BLTP3B: variants seen among roughly 807,000 people sequenced by gnomAD.
BLTP3B encodes bridge-like lipid transfer protein family member 3B.
chr12:100,079,227 G>A, the BLTP3B span, among the ~76,000 whole-genome samples: 2 of 152,204 alleles, frequency 1.3e-5, no homozygotes, highest in African/African-American at 4.8e-5. Context: ...GTAACAGGCA[G>A]AGGTTGGAAC....
the BLTP3B span, among the ~76,000 whole-genome samples, chr12:100,093,610 G>A: frequency 6.6e-6 from 1 of 152,120 alleles, no homozygotes; most frequent in Non-Finnish European, 1.5e-5. Context: ...GACTGAGGAT[G>A]AGTAATAATG....
At chr12:100,111,225 T>TA in the BLTP3B span, among the ~76,000 whole-genome samples, 13 of 151,036 alleles carry the variant, frequency 8.6e-5, no homozygotes, top group Non-Finnish European at 1.6e-4. Context: ...TTCAAGTATG[T>TA]AAAAAATGCA....
At chr12:100,098,541 A>G in the BLTP3B span, 1 of 1,599,430 alleles carries the variant, frequency 6.3e-7, no homozygotes. Flanking sequence ...AGCCGTATTC[A>G]CTGGAAAAAC....
chr12:100,132,117 G>T, the BLTP3B span, among the ~76,000 whole-genome samples: 2 of 152,020 alleles, frequency 1.3e-5, no homozygotes, highest in Admixed American at 1.3e-4. Context: ...AAAATTATTT[G>T]TCCTAAGCAT....
the BLTP3B span, among the ~76,000 whole-genome samples, chr12:100,066,221 G>T: frequency 6.6e-6 from 1 of 152,076 alleles, no homozygotes; most frequent in Non-Finnish European, 1.5e-5. Flanking sequence ...GCAAGCAGGA[G>T]TAGCTATTCT....
chr12:100,142,569 C>T, the BLTP3B span: 2 of 1,605,860 alleles, frequency 1.2e-6, no homozygotes, highest in Middle Eastern at 1.7e-4. Context: ...CCGACTGGCG[C>T]CGACACCGAG....
the BLTP3B span, among the ~76,000 whole-genome samples, chr12:100,127,401 T>C: frequency 2.6e-5 from 4 of 152,242 alleles, no homozygotes; most frequent in South Asian, 6.2e-4. Context: ...CTTTAGCATA[T>C]AGCCAATAAG....
the BLTP3B span, among the ~76,000 whole-genome samples, chr12:100,109,767 G>GAA: frequency 7.2e-5 from 8 of 111,564 alleles, no homozygotes; most frequent in Non-Finnish European, 6.0e-5. Flanking sequence ...CCCTGTCTCA[G>GAA]AAAAAAAAAA....
the BLTP3B span, chr12:100,142,802 C>T: frequency 1.2e-5 from 12 of 1,007,520 alleles, no homozygotes; most frequent in East Asian, 2.2e-4. Flanking sequence ...CCGCCGAGAA[C>T]CCGGAGCATC....
At chr12:100,102,342 G>A in the BLTP3B span, among the ~76,000 whole-genome samples, 3 of 151,580 alleles carry the variant, frequency 2.0e-5, no homozygotes, top group African/African-American at 4.8e-5. Context: ...AAACACCTGA[G>A]TCCAGGGAAT....
chr12:100,119,438 A>G, the BLTP3B span, among the ~76,000 whole-genome samples: 1 of 152,216 alleles, frequency 6.6e-6, no homozygotes, highest in African/African-American at 2.4e-5. Flanking sequence ...GAGAAATGAC[A>G]TACTGATTCT....
chr12:100,136,803 T>C, the BLTP3B span, among the ~76,000 whole-genome samples: 1 of 149,870 alleles, frequency 6.7e-6, no homozygotes, highest in Admixed American at 6.7e-5. Context: ...TTTCTTTTCT[T>C]TTTTTTCTTT....
At chr12:100,130,982 G>GGAGAGAGAGAGA in the BLTP3B span, among the ~76,000 whole-genome samples, 349 of 62,082 alleles carry the variant, frequency 5.6e-3, 12 homozygotes, top group East Asian at 8.2e-3. Flanking sequence ...AGAGAGGGAG[G>GGAGAGAGAGAGA]GAGAGAGAGA....
the BLTP3B span, chr12:100,070,106 T>A: frequency 2.0e-6 from 3 of 1,500,634 alleles, no homozygotes; most frequent in Admixed American, 6.4e-5. Flanking sequence ...TTACTCCCTA[T>A]GAGATGCAGA....
the BLTP3B span, chr12:100,095,658 A>G: frequency 1.9e-6 from 3 of 1,594,624 alleles, no homozygotes; most frequent in South Asian, 2.3e-5. Flanking sequence ...TGTTAACTTT[A>G]TAGCTTACCT....
the BLTP3B span, chr12:100,059,375 A>G: frequency 1.9e-6 from 3 of 1,614,030 alleles, no homozygotes; most frequent in Non-Finnish European, 2.5e-6. Context: ...TACTAAAAAA[A>G]TCACAATCTT....
chr12:100,042,944 T>C, the BLTP3B span, among the ~76,000 whole-genome samples: 7 of 152,122 alleles, frequency 4.6e-5, no homozygotes, highest in Non-Finnish European at 8.8e-5. Context: ...GGATTACAGA[T>C]GTGCGCCAAG....
the BLTP3B span, among the ~76,000 whole-genome samples, chr12:100,116,905 G>A: frequency 1.3e-5 from 2 of 152,050 alleles, no homozygotes; most frequent in Non-Finnish European, 2.9e-5. Flanking sequence ...AGGATATAAG[G>A]CCAATATAAA....
chr12:100,059,737 T>A, the BLTP3B span: 2 of 1,233,158 alleles, frequency 1.6e-6, no homozygotes, highest in African/African-American at 1.6e-5. Flanking sequence ...AAGAAGAGAA[T>A]CTTTTTAAAA....
Sources: gnomAD v4.1 joint callset for allele counts (sites outside exome capture counted in the v4.1 genomes callset) on GRCh38, gnomAD v4.1.1 for gene constraint, MANE v1.5 for transcripts, NCBI Gene and HGNC (gene_info 2026-07-23, HGNC 2026-07-21) for gene names.